Variants in LRRC37A2 observed in about 807,000 individuals in gnomAD.
LRRC37A2 encodes the protein leucine-rich repeat-containing protein 37A2.
In LRRC37A2, 9 loss-of-function variants were observed where a neutral mutation model predicts 68.8. The ratio of observed to expected loss-of-function variants is 0.13; its 90% CI spans 0.08 to 0.23. LRRC37A2 has a LOEUF of 0.23. Ranked by LOEUF, LRRC37A2 falls within the 10% of genes least tolerant of loss-of-function variation. LRRC37A2 has a pLI of 1.00. For missense variants in LRRC37A2, 168 were observed against 950.4 expected (o/e 0.18, Z 10.82); for synonymous variants, 63 against 367.6 (o/e 0.17, Z 9.48).
chr17:46,838,856 G>A, the LRRC37A2 span, among the ~76,000 whole-genome samples: 1 of 151,930 alleles, frequency 6.6e-6, no homozygotes, highest in Non-Finnish European at 1.5e-5. Context: ...TGGTTTCCAG[G>A]GGCTTGTTTT....
At chr17:46,602,399 T>C in the LRRC37A2 span, 4 of 20,130 alleles carry the variant, frequency 2.0e-4, no homozygotes, top group African/African-American at 1.1e-3. Context: ...ATCAGCTGTT[T>C]ATGAGTAATG....
chr17:46,793,974 C>T, the LRRC37A2 span, among the ~76,000 whole-genome samples: 4 of 152,156 alleles, frequency 2.6e-5, no homozygotes, highest in Admixed American at 1.3e-4. Flanking sequence ...TGCATTTATT[C>T]GGCACCTGCT....
the LRRC37A2 span, chr17:47,019,359 C>T: frequency 6.2e-7 from 1 of 1,610,380 alleles, no homozygotes; most frequent in African/African-American, 1.4e-5. Context: ...ACCTCTGGAC[C>T]TGGAGCTTAC....
At chr17:46,942,143 G>A in the LRRC37A2 span, 2 of 168,336 alleles carry the variant, frequency 1.2e-5, no homozygotes, top group African/African-American at 2.4e-5. Context: ...GAACTCAAAC[G>A]TTGTAACACC....
At chr17:46,924,120 C>T in the LRRC37A2 span, 3 of 348,154 alleles carry the variant, frequency 8.6e-6, no homozygotes, top group African/African-American at 6.3e-5. Context: ...ATCAGTAGCA[C>T]TTCATTTCTT....
the LRRC37A2 span, among the ~76,000 whole-genome samples, chr17:46,829,294 A>G: frequency 6.6e-6 from 1 of 152,006 alleles, no homozygotes; most frequent in African/African-American, 2.4e-5. Context: ...CAGCCTCCCC[A>G]GTAGCTGGGA....
At chr17:46,782,596 C>CTAGCAGATT in the LRRC37A2 span, among the ~76,000 whole-genome samples, 1 of 152,358 alleles carries the variant, frequency 6.6e-6, no homozygotes, top group South Asian at 2.1e-4. Flanking sequence ...GTCAAGAAGC[C>CTAGCAGATT]GTTCAGGATT....
the LRRC37A2 span, among the ~76,000 whole-genome samples, chr17:46,982,220 C>T: frequency 5.3e-5 from 8 of 152,280 alleles, no homozygotes; most frequent in East Asian, 1.5e-3. Context: ...TCTGCTTTGG[C>T]CCAATTGGAT....
At chr17:46,891,979 G>T in the LRRC37A2 span, among the ~76,000 whole-genome samples, 1 of 142,570 alleles carries the variant, frequency 7.0e-6, no homozygotes, top group African/African-American at 2.7e-5. Context: ...GAGTGCAGTG[G>T]TGTGATCTCA....
chr17:46,886,649 C>G, the LRRC37A2 span: 1 of 152,182 alleles, frequency 6.6e-6, no homozygotes, highest in East Asian at 1.9e-4. Context: ...GATCATGTTG[C>G]TGGTTGGAGT....
chr17:46,935,391 C>T, the LRRC37A2 span: 1 of 1,438,668 alleles, frequency 7.0e-7, no homozygotes, highest in Non-Finnish European at 9.1e-7. Context: ...ATGAAGTGGC[C>T]TCTCTTAGGA....
the LRRC37A2 span, among the ~76,000 whole-genome samples, chr17:46,695,241 G>A: frequency 5.6e-5 from 8 of 143,432 alleles, no homozygotes; most frequent in South Asian, 2.3e-4. Context: ...GCGAGATTCC[G>A]TCTCCAAAAA....
chr17:46,772,092 C>A, the LRRC37A2 span, among the ~76,000 whole-genome samples: 1 of 152,072 alleles, frequency 6.6e-6, no homozygotes, highest in African/African-American at 2.4e-5. Flanking sequence ...TGTGGGGACT[C>A]GCCGGGGGCG....
the LRRC37A2 span, among the ~76,000 whole-genome samples, chr17:46,659,817 C>G: frequency 7.0e-6 from 1 of 143,592 alleles, no homozygotes; most frequent in Admixed American, 6.9e-5. Flanking sequence ...CACTTCTCAG[C>G]ATTGGGGCCT....
chr17:46,884,214 G>T, the LRRC37A2 span, among the ~76,000 whole-genome samples: 8 of 152,306 alleles, frequency 5.3e-5, no homozygotes, highest in African/African-American at 1.9e-4. Flanking sequence ...CTGTCTTCAT[G>T]CAGCCAGCCC....
chr17:46,719,970 T>TAGCTTTGCTAGTGGGCC, the LRRC37A2 span, among the ~76,000 whole-genome samples: 1 of 152,236 alleles, frequency 6.6e-6, no homozygotes, highest in Non-Finnish European at 1.5e-5. This position sits in a 1 kb window ranked among gnomAD's most constrained non-coding sequence, Gnocchi z 4.3. Flanking sequence ...TCCTTTCCAC[T>TAGCTTTGCTAGTGGGCC]AGCTTTGCAC....
intron 6 of LRRC37A2, among the ~76,000 whole-genome samples, chr17:46,535,243 C>G (rs1169597299): frequency 1.4e-5 from 2 of 148,032 alleles, no homozygotes; most frequent in Admixed American, 1.3e-4. Flanking sequence ...ATTGAGGATC[C>G]CTTGTATGTG....
chr17:46,707,488 T>C, the LRRC37A2 span, among the ~76,000 whole-genome samples: 1 of 152,158 alleles, frequency 6.6e-6, no homozygotes, highest in Non-Finnish European at 1.5e-5. Flanking sequence ...TCTCTAAAAC[T>C]CTTTTCTTCT....
At chr17:46,768,905 ACTC>A in the LRRC37A2 span, 4 of 1,496,548 alleles carry the variant, frequency 2.7e-6, no homozygotes, top group Non-Finnish European at 3.6e-6. This position sits in a 1 kb window ranked among gnomAD's most constrained non-coding sequence, Gnocchi z 5.0. Context: ...AGCCTTCTCT[ACTC>A]CTCTGTGACA....
Sources: allele counts gnomAD v4.1 joint callset (sites outside exome capture counted in the v4.1 genomes callset), GRCh38; gene constraint gnomAD v4.1.1; non-coding constraint Gnocchi (gnomAD v3.1); transcripts MANE v1.5; gene names NCBI Gene and HGNC (gene_info 2026-07-23, HGNC 2026-07-21).